CELSR1: variants seen among roughly 807,000 people sequenced by gnomAD.
CELSR1 encodes adhesion G protein-coupled receptor C1.
CELSR1 carries 110 observed loss-of-function variants against 249.1 expected under a neutral mutation model. The observed-to-expected ratio is 0.44, with a 90% CI of 0.38 to 0.52. The LOEUF is 0.52. CELSR1 is among the 20% of genes least tolerant of loss of function. The pLI is 0.00. For missense variants in CELSR1, 4,109 were observed against 4,296.4 expected (o/e 0.96, Z 1.22); for synonymous variants, 2,113 against 1,900.0 (o/e 1.11, Z -2.92).
intron 1 of CELSR1, among the ~76,000 whole-genome samples, chr22:46,509,948 G>A (rs1203981797): frequency 6.6e-6 from 1 of 152,222 alleles, no homozygotes; most frequent in Non-Finnish European, 1.5e-5. Context: ...CCACTCACAG[G>A]GCGCAGGTGA....
At chr22:46,531,738 C>T (rs2080794031) in intron 1 of CELSR1, among the ~76,000 whole-genome samples, 1 of 152,164 alleles carries the variant, frequency 6.6e-6, no homozygotes, top group African/African-American at 2.4e-5. Context: ...TGACACCACT[C>T]AGCTCCCGGT....
Position 46,391,863 on chromosome 22 carries a change from G to A in CELSR1, c.5965-47C>T. The A allele has an allele frequency of 3.2e-6, 5 of 1,568,302 alleles. No homozygotes were observed. Among genetic ancestry groups the A allele is most frequent in the Non-Finnish European group, 4.3e-6 (5 of 1,159,250 alleles). On this transcript the variant is annotated intron_variant, in intron 14 of 34. Coordinates refer to ENST00000674500, the MANE Select transcript of CELSR1 (RefSeq NM_001378328.1). The surrounding 1 kb of genome is among the most constrained non-coding windows in gnomAD (Gnocchi z 4.3). ...CCTGTGACTTCAGATGCCCGGGAGAGGCCCTACCTTGCAGCGTGTTTCCCG... is the reference window on the plus strand; with the variant it reads ...CCTGTGACTTCAGATGCCCGGGAGAAGCCCTACCTTGCAGCGTGTTTCCCG...
rs780180723 is a variant in CELSR1, at chr22:46,390,381, G to C, written c.6345+11C>G. On this transcript the variant is annotated intron_variant, in intron 17 of 34. Coordinates refer to ENST00000674500, the MANE Select transcript of CELSR1 (RefSeq NM_001378328.1). This position sits in a 1 kb window ranked among gnomAD's most constrained non-coding sequence, Gnocchi z 6.3. ...GCCCCTGCTGAACACACATCCCCGA[G>C]GCGCCCCTACCATGGCCCTGAGGTC... 6.2e-7 allele frequency: 1 copy of C among 1,607,744 alleles called. No homozygotes were observed. Among genetic ancestry groups the C allele is most frequent in the African/African-American group, 1.3e-5 (1 of 74,758 alleles).
At position 46,367,065 on chromosome 22, in the gene CELSR1, G is replaced by A; in HGVS notation, c.8133C>T (p.His2711=). The A allele has an allele frequency of 6.2e-7, 1 of 1,611,572 alleles. No homozygotes were observed. ...HCVLNQEVRK[H]LKGVLGGRKL... is the part of the protein sequence containing the mutation. ...TCCTCCCGCCGAGCACGCCCTTCAG[G>A]TGCTTCCGGACCTCCTGGTTGAGCA... Residue 2711 remains histidine (H), a synonymous_variant, in exon 29 of 35, where the codon CAC becomes CAT. Transcript: ENST00000674500.
In CELSR1 at chr22:46,455,209, G is replaced by A. The variant is rs1280704870; in HGVS notation, c.4183+8498C>T. Reference sequence around the variant, plus strand: ...CTTGGCTTTGAATTTCTGGCCTCCAGAACAGTAAGACAAGAGACTTTTTTC... The same window carrying A: ...CTTGGCTTTGAATTTCTGGCCTCCAAAACAGTAAGACAAGAGACTTTTTTC... On this transcript the variant is annotated intron_variant, in intron 2 of 34. Transcript: ENST00000674500. Among the ~76,000 whole-genome samples the A allele has an allele frequency of 2.0e-5, 3 of 152,284 alleles. No homozygotes were observed. In the East Asian group the frequency reaches 5.8e-4, roughly 29 times the overall value.
chr22:46,417,710 G>T lies in CELSR1; in HGVS notation c.4612-5951C>A, dbSNP rs2079419323. On this transcript the variant is annotated intron_variant, in intron 5 of 34. Coordinates refer to ENST00000674500, the MANE Select transcript of CELSR1 (RefSeq NM_001378328.1). The surrounding 1 kb of genome is among the most constrained non-coding windows in gnomAD (Gnocchi z 4.1). ...ACCTGGGGCAGAAGACATACTCTAT[G>T]AGCCTAGGCAGACTCTTCTAGAAAG... 1.3e-5 allele frequency among the ~76,000 whole-genome samples: 2 copies of T among 152,224 alleles called. No individual in the cohort carries two copies. The highest frequency in any genetic ancestry group is 4.8e-5 in the African/African-American group (2 of 41,460).
intron 1 of CELSR1, 99 bp downstream of exon 1, chr22:46,533,528 A>G: frequency 3.4e-6 from 5 of 1,472,494 alleles, no homozygotes; most frequent in Non-Finnish European, 4.5e-6. Flanking sequence ...GGCCCGGCCC[A>G]ATTGCGCCCC....
At chr22:46,495,694 T>C (rs1276217696) in intron 1 of CELSR1, among the ~76,000 whole-genome samples, 1 of 152,106 alleles carries the variant, frequency 6.6e-6, no homozygotes, top group Non-Finnish European at 1.5e-5. Context: ...TGGGCGCCTA[T>C]AGTCCCAGCT....
rs2147314000 is a variant in CELSR1, at chr22:46,407,067, G to A, written c.5226+1929C>T. Among the ~76,000 whole-genome samples, 1 of 152,352 alleles carries A rather than the reference G, an allele frequency of 6.6e-6. No individual in the cohort carries two copies. Among genetic ancestry groups the A allele is most frequent in the Admixed American group, 6.5e-5 (1 of 15,310 alleles). On this transcript the variant is annotated intron_variant, in intron 9 of 34. Coordinates refer to ENST00000674500, the MANE Select transcript of CELSR1 (RefSeq NM_001378328.1). This position sits in a 1 kb window ranked among gnomAD's most constrained non-coding sequence, Gnocchi z 4.8. ...TCCCGTGTGGCCGACCCCAAGGCAGGAGAGGAGGCTAACCTAAGGGCAGCA... is the reference window on the plus strand; with the variant it reads ...TCCCGTGTGGCCGACCCCAAGGCAGAAGAGGAGGCTAACCTAAGGGCAGCA...
chr22:46,404,956 C>G (rs1186913550), intron 9 of CELSR1, among the ~76,000 whole-genome samples: 2 of 151,916 alleles, frequency 1.3e-5, no homozygotes, highest in African/African-American at 4.8e-5. Context: ...TCCGGAGTAG[C>G]TGGGATTACA....
rs1240412449 is a variant in CELSR1, at chr22:46,536,544, G to A, written c.627C>T (p.Ser209=). The A allele has an allele frequency of 1.5e-6, 2 of 1,368,630 alleles. No homozygotes were observed. Among genetic ancestry groups the A allele is most frequent in the East Asian group, 3.0e-5 (1 of 32,832 alleles). 84.8% of individuals were successfully genotyped at this position (1,368,630 alleles called of 1,614,324 possible). ...ALEAATAGTP[S]ASPSPSPPLP... ...GGGGCGGCGATGGGGATGGCGACGC[G>A]GAGGGCGTCCCCGCGGTGGCGGCCT... The change falls in exon 1 of 35, where the codon TCC becomes TCT. Residue 209 remains serine (S), a synonymous_variant. Transcript: ENST00000674500.
At chr22:46,439,500 C>T in intron 2 of CELSR1, 89 bp from the exon 3 acceptor site, 3 of 1,036,018 alleles carry the variant, frequency 2.9e-6, no homozygotes, top group South Asian at 3.0e-5. Context: ...GGACACACCC[C>T]AGCCACACAG....
rs2080656164 is a variant in CELSR1, at chr22:46,518,878, C to T, written c.3544+14749G>A. On this transcript the variant is annotated intron_variant, in intron 1 of 34. Coordinates refer to ENST00000674500, the MANE Select transcript of CELSR1 (RefSeq NM_001378328.1). This position sits in a 1 kb window ranked among gnomAD's most constrained non-coding sequence, Gnocchi z 5.2. ...AGAAATCCCGTCTCTACTAAAAATA[C>T]AAAAATTAGCTGGACGTGGTGGCGC... Among the ~76,000 whole-genome samples, 1 of 152,126 alleles carries T rather than the reference C, an allele frequency of 6.6e-6. No homozygotes were observed. Among genetic ancestry groups the T allele is most frequent in the South Asian group, 2.1e-4 (1 of 4,820 alleles).
At chr22:46,368,413 A>C (rs1602026420) in intron 27 of CELSR1, among the ~76,000 whole-genome samples, 1 of 148,152 alleles carries the variant, frequency 6.7e-6, no homozygotes, top group African/African-American at 2.5e-5. Flanking sequence ...CCCCCCGTGC[A>C]CCCCCATATC....
intron 1 of CELSR1, among the ~76,000 whole-genome samples, chr22:46,465,676 C>G (rs892284268): frequency 6.6e-6 from 1 of 152,242 alleles, no homozygotes; most frequent in African/African-American, 2.4e-5. Context: ...CCAGTCACAT[C>G]TGGGAGGGAC....
chr22:46,439,368 G>T lies in CELSR1; in HGVS notation c.4227C>A (p.Asn1409Lys), dbSNP rs147318515. ...EVDARSGRCA[N>K]GVCKNGGTCV... ...AGGTGCCCCCGTTCTTGCACACCCC[G>T]TTGGCACAGCGGCCTGAGCGGGCAT... Residue 1409 changes from asparagine (N) to lysine (K), a missense_variant, in exon 3 of 35, where the codon AAC (asparagine) becomes AAA (lysine). By Grantham distance (94) the Asn-to-Lys change is moderately conservative. Transcript: ENST00000674500. 2 of 1,613,730 alleles carry T rather than the reference G, an allele frequency of 1.2e-6. No homozygotes were observed. The highest frequency in any genetic ancestry group is 2.7e-5 in the African/African-American group (2 of 74,908).
chr22:46,409,620 C>T lies in CELSR1; in HGVS notation c.5059+135G>A, dbSNP rs1052354903. ...TCTTGGAGAGGGCGGTGTGAGTCCA[C>T]AGTAAATGCAGCATATACCACCAGA... is the stretch of plus-strand genomic sequence containing the variant. On this transcript the variant is annotated intron_variant, in intron 8 of 34. Transcript: ENST00000674500. The surrounding 1 kb of genome is among the most constrained non-coding windows in gnomAD (Gnocchi z 9.8). 1.9e-6 allele frequency: 2 copies of T among 1,061,588 alleles called. No individual in the cohort carries two copies. Among genetic ancestry groups the T allele is most frequent in the African/African-American group, 1.6e-5 (1 of 64,006 alleles). 65.8% of individuals were successfully genotyped at this position (1,061,588 alleles called of 1,614,324 possible).
rs1321753470 is a variant in CELSR1 at position 46,412,370 on chromosome 22, C to A, written c.4612-611G>T. ...CAACACCCAAGTCCTGGGGCCCCTC[C>A]TGTGAACACCCGCTTCTGCTCTTCT... On this transcript the variant is annotated intron_variant, in intron 5 of 34. Transcript: ENST00000674500. This position sits in a 1 kb window ranked among gnomAD's most constrained non-coding sequence, Gnocchi z 4.5. 6.6e-6 allele frequency among the ~76,000 whole-genome samples: 1 copy of A among 152,180 alleles called. No individual in the cohort carries two copies. Among genetic ancestry groups the A allele is most frequent in the East Asian group, 1.9e-4 (1 of 5,184 alleles).
intron 1 of CELSR1, among the ~76,000 whole-genome samples, chr22:46,516,087 C>T (rs945170259): frequency 4.4e-4 from 67 of 152,290 alleles, no homozygotes; most frequent in African/African-American, 1.5e-3. Flanking sequence ...TACCATTTGA[C>T]CCAGCCATCC....
Sources: allele counts gnomAD v4.1 joint callset (sites outside exome capture counted in the v4.1 genomes callset), GRCh38; gene constraint gnomAD v4.1.1; non-coding constraint Gnocchi (gnomAD v3.1); transcripts MANE v1.5; gene names NCBI Gene and HGNC (gene_info 2026-07-23, HGNC 2026-07-21).